The following ACSL4 variants were observed in gnomAD, a reference collection of about 807,000 sequenced individuals.
ACSL4 encodes the protein long-chain-fatty-acid--CoA ligase 4.
A neutral mutation model predicts 49.1 loss-of-function variants in ACSL4; 9 were observed. That is an observed-to-expected ratio of 0.18 (90% confidence interval 0.11 to 0.32). ACSL4 has a LOEUF of 0.32. Ranked by LOEUF, ACSL4 falls within the 10% of genes least tolerant of loss-of-function variation. The pLI, the probability that ACSL4 is intolerant of heterozygous loss-of-function variation, is 1.00. For missense variants in ACSL4, 333 were observed against 493.7 expected, an observed-to-expected ratio of 0.67 and a Z score of 3.08; for synonymous variants, 191 against 170.3, an observed-to-expected ratio of 1.12 and a Z score of -0.95.
chrX:109,707,044 A>G (rs751507466), intron 1 of ACSL4, among the ~76,000 whole-genome samples: 87 of 112,317 alleles, frequency 7.7e-4, no homozygotes, highest in African/African-American at 2.6e-3. Context: ...ACTTTAGGAG[A>G]AAAAAATAGC....
intron 2 of ACSL4, among the ~76,000 whole-genome samples, chrX:109,684,426 C>T (rs1370403179): frequency 3.6e-5 from 4 of 111,844 alleles, no homozygotes; most frequent in African/African-American, 6.5e-5. Flanking sequence ...TTTGGGGGAA[C>T]GGGGACAGGG....
intron 2 of ACSL4, among the ~76,000 whole-genome samples, chrX:109,689,109 C>T (rs985591687): frequency 9.0e-6 from 1 of 111,454 alleles, no homozygotes; most frequent in Non-Finnish European, 1.9e-5. Flanking sequence ...ATATATTCCA[C>T]TTGCTTTGAC....
At chrX:109,655,966 A>C (rs1353715330) in intron 15 of ACSL4, among the ~76,000 whole-genome samples, 1 of 111,186 alleles carries the variant, frequency 9.0e-6, no homozygotes, top group Non-Finnish European at 1.9e-5. Flanking sequence ...AGTCTCAAAA[A>C]TTTACCTCCC....
At chrX:109,645,905 T>G (rs1444470429) in intron 15 of ACSL4, among the ~76,000 whole-genome samples, 1 of 112,012 alleles carries the variant, frequency 8.9e-6, no homozygotes, top group African/African-American at 3.2e-5. Context: ...TGCGATCAAC[T>G]GGATGAAAGG....
chrX:109,647,726 A>T (rs1569414255), intron 15 of ACSL4, among the ~76,000 whole-genome samples: 1 of 111,653 alleles, frequency 9.0e-6, no homozygotes, highest in African/African-American at 3.3e-5. Context: ...AAAATTAATG[A>T]ATCCAGGAGG....
intron 1 of ACSL4, among the ~76,000 whole-genome samples, chrX:109,707,627 C>A (rs58986788): frequency 0.011 from 1,210 of 109,483 alleles, 15 homozygotes; most frequent in Admixed American, 0.057. Context: ...GAGTTGCGGA[C>A]CCCTATCCTA....
chrX:109,702,460 T>C (rs193179746), intron 1 of ACSL4, among the ~76,000 whole-genome samples: 1 of 112,441 alleles, frequency 8.9e-6, no homozygotes, highest in East Asian at 2.8e-4. Context: ...AGAGGATTTA[T>C]ATCTAGCAGA....
chrX:109,724,911 CAATAAT>C (rs1173582901), intron 1 of ACSL4, among the ~76,000 whole-genome samples: 1 of 106,880 alleles, frequency 9.4e-6, no homozygotes, highest in Non-Finnish European at 1.9e-5. Context: ...GATTCCGTCT[CAATAAT>C]AATAATAATA....
intron 1 of ACSL4, among the ~76,000 whole-genome samples, chrX:109,725,164 T>A (rs1927878747): frequency 9.1e-6 from 1 of 110,275 alleles, no homozygotes; most frequent in Non-Finnish European, 1.9e-5. Flanking sequence ...CACTGCAACC[T>A]TGAACTCCTG....
intron 10 of ACSL4, 76 bp from the exon 11 acceptor site, chrX:109,668,349 G>T: frequency 1.1e-6 from 1 of 920,664 alleles, no homozygotes. Context: ...ATAAGCTCTG[G>T]GAAAGATTCC....
At chrX:109,715,468 G>GCCACTGGCACTTACGAGCTTCATT (rs1927055457) in intron 1 of ACSL4, among the ~76,000 whole-genome samples, 1 of 109,975 alleles carries the variant, frequency 9.1e-6, no homozygotes, top group Admixed American at 9.8e-5. Flanking sequence ...GCGAAACCCT[G>GCCACTGGCACTTACGAGCTTCATT]TCTCTACAAA....
At chrX:109,695,268 C>G (rs1188429812) in intron 2 of ACSL4, among the ~76,000 whole-genome samples, 7 of 109,155 alleles carry the variant, frequency 6.4e-5, no homozygotes, top group African/African-American at 2.3e-4. Context: ...TTGCTTAAAC[C>G]CGGGAGGCAG....
At chrX:109,725,501 A>G (rs1927906107) in intron 1 of ACSL4, among the ~76,000 whole-genome samples, 1 of 111,352 alleles carries the variant, frequency 9.0e-6, no homozygotes, top group Non-Finnish European at 1.9e-5. Flanking sequence ...GGTGGCTCAC[A>G]CCTATAACCC....
rs1043432532 is a variant in ACSL4, at chrX:109,663,943, T to C, written c.1391-541A>G. ...TTTAGAAGTTCAAACACTAAACTAA[T>C]TGATAATAAATACTAATATATTTCA... On this transcript the variant is annotated intron_variant, in intron 12 of 15. Coordinates refer to ENST00000672401, the MANE Select transcript of ACSL4 (RefSeq NM_001318510.2). Among the ~76,000 whole-genome samples the C allele has an allele frequency of 5.6e-4, 62 of 111,203 alleles. 1 individual carries two copies. The highest frequency in any genetic ancestry group is 1.0e-3 in the Non-Finnish European group (55 of 52,915).
rs2147450073 is a variant in ACSL4, at chrX:109,683,308, C to T, written c.56G>A (p.Arg19His). 1 of 1,211,738 alleles carries T rather than the reference C, an allele frequency of 8.3e-7. No homozygotes were observed. Among genetic ancestry groups the T allele is most frequent in the Non-Finnish European group, 1.1e-6 (1 of 895,539 alleles). Reference sequence around the variant, plus strand: ...TAGTGAGTCGAAGTGTGTGACAGAGCGATATGGACTTCCAGGTTTGTCTGA... The same window carrying T: ...TAGTGAGTCGAAGTGTGTGACAGAGTGATATGGACTTCCAGGTTTGTCTGA... ...PTSDKPGSPYRSVTHFDSLAV... is the reference protein window; with the variant it reads ...PTSDKPGSPYHSVTHFDSLAV... The change falls in exon 3 of 16, where the codon CGC (arginine) becomes CAC (histidine). Residue 19 changes from arginine (R) to histidine (H), a missense_variant. Arg to His is a conservative substitution (Grantham distance 29, BLOSUM62 0). This residue lies in a region of ACSL4 where 157 missense variants were observed against 201.1 expected (regional missense o/e 0.78). Coordinates refer to ENST00000672401, the MANE Select transcript of ACSL4 (RefSeq NM_001318510.2).
chrX:109,671,366 A>T (rs979415460), intron 9 of ACSL4, among the ~76,000 whole-genome samples: 1 of 109,724 alleles, frequency 9.1e-6, no homozygotes, highest in East Asian at 2.9e-4. Context: ...CCCGTCTGAG[A>T]AGTGAGGAGC....
chrX:109,690,274 C>T (rs1396275996), intron 2 of ACSL4, among the ~76,000 whole-genome samples: 3 of 112,179 alleles, frequency 2.7e-5, no homozygotes, highest in Non-Finnish European at 5.6e-5. Flanking sequence ...ATACTGCTAT[C>T]CCATCATTAG....
Position 109,657,940 on chromosome X carries a change from G to GT in ACSL4, c.1855+1413dup, listed in dbSNP as rs780754408. 3.1e-4 allele frequency among the ~76,000 whole-genome samples: 35 copies of GT among 111,645 alleles called. No individual in the cohort carries two copies. The South Asian group carries it at 0.013, about 41-fold the overall frequency. On this transcript the variant is annotated intron_variant, in intron 15 of 15. Coordinates refer to ENST00000672401, the MANE Select transcript of ACSL4 (RefSeq NM_001318510.2). ...TGGTGTGAGATGGCATCTCATTGTG[G>GT]TTTTGATTTGCATTTCTCTGATGGC...
At chrX:109,653,764 A>G (rs1263763502) in intron 15 of ACSL4, among the ~76,000 whole-genome samples, 1 of 108,750 alleles carries the variant, frequency 9.2e-6, no homozygotes, top group Non-Finnish European at 1.9e-5. Flanking sequence ...ATGAGAACAC[A>G]TGGACACAGG....
Sources: gnomAD v4.1 joint callset for allele counts (sites outside exome capture counted in the v4.1 genomes callset) on GRCh38, gnomAD v4.1.1 for gene constraint, gnomAD v4.1.1 regional missense constraint, MANE v1.5 for transcripts, NCBI Gene and HGNC (gene_info 2026-07-23, HGNC 2026-07-21) for gene names.